NLRP14: variants seen among roughly 807,000 people sequenced by gnomAD.
NLRP14 encodes NLR family pyrin domain containing 14.
A neutral mutation model predicts 94.7 loss-of-function variants in NLRP14; 105 were observed. That is an observed-to-expected ratio of 1.11 (90% CI 0.95 to 1.30). The LOEUF is 1.30. Among genes scored for constraint, NLRP14 ranks in the 50% most tolerant of loss-of-function variants. The probability of loss-of-function intolerance (pLI) is 0.00; values close to 1 mark genes in which losing one functional copy is unlikely to be tolerated. For missense variants in NLRP14, 1,362 were observed against 1,254.1 expected, an observed-to-expected ratio of 1.09 and a Z score of -1.30; for synonymous variants, 508 against 459.9, an observed-to-expected ratio of 1.10 and a Z score of -1.34.
At chr11:7,061,707 G>A (rs1688512267) in intron 9 of NLRP14, among the ~76,000 whole-genome samples, 1 of 152,112 alleles carries the variant, frequency 6.6e-6, no homozygotes, top group African/African-American at 2.4e-5. Context: ...GTTACTTTAG[G>A]CTAGAGAAAT....
intron 1 of NLRP14, among the ~76,000 whole-genome samples, chr11:7,029,299 A>G (rs1296582110): frequency 6.6e-6 from 1 of 152,356 alleles, no homozygotes; most frequent in Admixed American, 6.5e-5. Context: ...ATGTCATTTA[A>G]AGTATATTAA....
At chr11:7,058,586 T>C in intron 8 of NLRP14, 136 bp downstream of exon 8, 2 of 694,628 alleles carry the variant, frequency 2.9e-6, no homozygotes, top group Non-Finnish European at 2.5e-6. Context: ...AAAGTGATAT[T>C]AATAATTGCC....
chr11:7,047,369 C>T (rs1367423965), intron 5 of NLRP14, among the ~76,000 whole-genome samples: 1 of 151,068 alleles, frequency 6.6e-6, no homozygotes, highest in African/African-American at 2.4e-5. Flanking sequence ...GGCTGGAATG[C>T]AGTGATGCTA....
At chr11:7,075,069 G>C (rs1325721674), downstream of NLRP14, among the ~76,000 whole-genome samples, 1 of 152,144 alleles carries the variant, frequency 6.6e-6, no homozygotes, top group African/African-American at 2.4e-5. Flanking sequence ...CTGTAGGGAA[G>C]AAAGCCTAAG....
the NLRP14 span, among the ~76,000 whole-genome samples, chr11:7,086,929 A>AT: frequency 3.2e-3 from 483 of 152,274 alleles, 1 homozygote; most frequent in African/African-American, 0.011. Flanking sequence ...GAGTCAGGAG[A>AT]TTTTTTGTTC....
chr11:7,051,908 A>G (rs552122270), intron 6 of NLRP14, among the ~76,000 whole-genome samples: 2 of 152,360 alleles, frequency 1.3e-5, no homozygotes, highest in East Asian at 3.9e-4. Flanking sequence ...GGCATGAGCC[A>G]TCGCACCTGG....
chr11:7,024,941 T>C (rs1398436847), intron 1 of NLRP14, among the ~76,000 whole-genome samples: 2 of 151,986 alleles, frequency 1.3e-5, no homozygotes, highest in Non-Finnish European at 1.5e-5. Context: ...TAGGCTTAAA[T>C]AGTAGATCTA....
chr11:7,049,897 A>AAGT, intron 6 of NLRP14, 59 bp downstream of exon 6: 1 of 1,399,700 alleles, frequency 7.1e-7, no homozygotes, highest in Non-Finnish European at 1.0e-6. Context: ...TTGTCTATCC[A>AAGT]AGTAGACTCT....
At chr11:7,066,695 A>G (rs765128599) in intron 10 of NLRP14, among the ~76,000 whole-genome samples, 3 of 152,112 alleles carry the variant, frequency 2.0e-5, no homozygotes, top group South Asian at 2.1e-4. Context: ...CTTTAGTTTA[A>G]TTAGATCCCA....
Position 7,059,927 on chromosome 11 carries a change from T to G in NLRP14, c.2667T>G (p.Ser889Arg). The G allele has an allele frequency of 6.2e-7, 1 of 1,612,590 alleles. No individual in the cohort carries two copies. ...GTTGCCATTTCACTTCACTTAGCAG[T>G]GAATATCTGTCAACTTCTCTTCTAC... ...LRRCHFTSLS[S>R]EYLSTSLLHN... The change falls in exon 9 of 12, where the codon AGT (serine) becomes AGG (arginine). Residue 889 changes from serine to arginine, a missense_variant. Coordinates refer to ENST00000299481, the MANE Select transcript of NLRP14 (RefSeq NM_176822.4).
At position 7,043,836 on chromosome 11, in the gene NLRP14, A is replaced by T. The variant is rs751318622; in HGVS notation, c.1810A>T (p.Lys604Ter). The T allele has an allele frequency of 6.2e-7, 1 of 1,614,204 alleles. No homozygotes were observed. Among genetic ancestry groups the T allele is most frequent in the East Asian group, 2.2e-5 (1 of 44,892 alleles). The change falls in exon 4 of 12, where the codon AAG (lysine) becomes TAG (stop). Residue 604 changes from lysine (K) to a stop codon, truncating the protein, a stop_gained. Coordinates refer to ENST00000299481, the MANE Select transcript of NLRP14 (RefSeq NM_176822.4). LOFTEE classifies it high-confidence loss of function. ...FISQAMRCFP[K>*]VAINICEKIH... ...AAGCCAGGCAATGAGATGTTTCCCAAAGGTTGCCATTAATATTTGTGAGAA... is the reference window on the plus strand; with the variant it reads ...AAGCCAGGCAATGAGATGTTTCCCATAGGTTGCCATTAATATTTGTGAGAA...
At chr11:7,051,685 C>T (rs554584876) in intron 6 of NLRP14, among the ~76,000 whole-genome samples, 1 of 152,218 alleles carries the variant, frequency 6.6e-6, no homozygotes, top group African/African-American at 2.4e-5. Flanking sequence ...GGTGCGATCT[C>T]GGCTCACTGC....
chr11:7,038,527 T>G, intron 1 of NLRP14, 39 bp from the exon 2 acceptor site: 1 of 1,497,142 alleles, frequency 6.7e-7, no homozygotes, highest in Non-Finnish European at 9.3e-7. Flanking sequence ...GTGTCCCATT[T>G]ATTCCATGTG....
the NLRP14 span, among the ~76,000 whole-genome samples, chr11:7,087,543 T>C: frequency 3.3e-5 from 5 of 152,210 alleles, no homozygotes; most frequent in Admixed American, 1.3e-4. Flanking sequence ...GGAAATGTTA[T>C]AGATTTTAAT....
downstream of NLRP14, among the ~76,000 whole-genome samples, chr11:7,074,483 C>T (rs1389580112): frequency 3.3e-5 from 5 of 152,206 alleles, no homozygotes; most frequent in Non-Finnish European, 2.9e-5. Context: ...CCTTCACAGA[C>T]AACAGGATTT....
chr11:7,055,500 C>A (rs966101400), intron 6 of NLRP14, among the ~76,000 whole-genome samples: 1 of 152,112 alleles, frequency 6.6e-6, no homozygotes, highest in Non-Finnish European at 1.5e-5. Flanking sequence ...ATTCACGCAG[C>A]ATCTTTGAGT....
rs369839079 is a variant in NLRP14, at chr11:7,038,654, A to G, written c.68A>G (p.Asn23Ser). The G allele has an allele frequency of 1.9e-6, 3 of 1,613,818 alleles. No individual in the cohort carries two copies. The highest frequency in any genetic ancestry group is 1.3e-5 in the African/African-American group (1 of 74,890). The change falls in exon 2 of 12, where the codon AAC (asparagine) becomes AGC (serine). Residue 23 changes from asparagine to serine, a missense_variant. Asn to Ser is a conservative substitution (Grantham distance 46). Transcript: ENST00000299481. Reference sequence around the variant, plus strand: ...CTGCTATTGTATTTGGAGGAGCTAAACAAAGAGGAATTAAATACATTCAAG... The same window carrying G: ...CTGCTATTGTATTTGGAGGAGCTAAGCAAAGAGGAATTAAATACATTCAAG... ...FGLLLYLEEL[N>S]KEELNTFKLF...
intron 10 of NLRP14, 100 bp downstream of exon 10, chr11:7,062,603 G>T: frequency 9.8e-7 from 1 of 1,017,632 alleles, no homozygotes. Flanking sequence ...ACTAAATGGG[G>T]CTAGAAGGTA....
chr11:7,053,633 AT>A (rs971238870), intron 6 of NLRP14, among the ~76,000 whole-genome samples: 4 of 150,086 alleles, frequency 2.7e-5, no homozygotes, highest in Non-Finnish European at 3.0e-5. Flanking sequence ...AGGATTTTGT[AT>A]TTTTTTTTAC....
Sources: gnomAD v4.1 joint callset for allele counts (sites outside exome capture counted in the v4.1 genomes callset) on GRCh38, gnomAD v4.1.1 for gene constraint, MANE v1.5 for transcripts, NCBI Gene and HGNC (gene_info 2026-07-23, HGNC 2026-07-21) for gene names.